The following NBAS variants were observed in gnomAD, a reference collection of about 807,000 sequenced individuals.
NBAS encodes NAG/BC035112 fusion.
Under a neutral mutation model 302.5 loss-of-function variants are expected in NBAS, and 219 were observed. The observed-to-expected ratio is 0.72, with a 90% CI of 0.65 to 0.81. The LOEUF (loss-of-function observed/expected upper bound fraction) is 0.81, where lower values mean the gene tolerates loss of function less well. Ranked by LOEUF, NBAS falls within the 30% of genes least tolerant of loss-of-function variation. NBAS has a pLI of 0.00. For missense variants in NBAS, 2,932 were observed against 2,841.6 expected, an observed-to-expected ratio of 1.03 and a Z score of -0.72; for synonymous variants, 1,118 against 1,021.6, an observed-to-expected ratio of 1.09 and a Z score of -1.80.
chr2:15,364,885 A>G (rs1674122386), intron 32 of NBAS, among the ~76,000 whole-genome samples: 1 of 152,162 alleles, frequency 6.6e-6, no homozygotes, highest in South Asian at 2.1e-4. Flanking sequence ...AGAGAAAAAT[A>G]AATGGTTGTT....
At chr2:14,916,727 A>T in the NBAS span, among the ~76,000 whole-genome samples, 2 of 152,008 alleles carry the variant, frequency 1.3e-5, no homozygotes, top group Admixed American at 6.5e-5. Flanking sequence ...TAATTTATTG[A>T]CTCTTCCCTG....
At chr2:15,476,836 A>G (rs1389928438) in intron 13 of NBAS, among the ~76,000 whole-genome samples, 2 of 152,264 alleles carry the variant, frequency 1.3e-5, no homozygotes, top group Non-Finnish European at 2.9e-5. Context: ...TATACAAAAC[A>G]TATGATGTGG....
chr2:15,078,752 T>G, the NBAS span, among the ~76,000 whole-genome samples: 1 of 152,280 alleles, frequency 6.6e-6, no homozygotes, highest in South Asian at 2.1e-4. Context: ...GAAGAAAATA[T>G]AAAAACAGAC....
the NBAS span, among the ~76,000 whole-genome samples, chr2:14,829,850 T>C: frequency 6.6e-6 from 1 of 152,224 alleles, no homozygotes; most frequent in African/African-American, 2.4e-5. Context: ...ACTTAAGTCT[T>C]GTGGTTTCCG....
intron 38 of NBAS, among the ~76,000 whole-genome samples, chr2:15,320,408 C>T (rs1671742715): frequency 2.6e-5 from 4 of 152,058 alleles, no homozygotes; most frequent in Admixed American, 2.6e-4. Context: ...GGCAATCAGG[C>T]AGGAGAAGGA....
the NBAS span, among the ~76,000 whole-genome samples, chr2:14,950,068 G>C: frequency 6.6e-6 from 1 of 152,150 alleles, no homozygotes; most frequent in Non-Finnish European, 1.5e-5. Flanking sequence ...AGTTACATGA[G>C]TAAGTTCTTT....
At chr2:14,799,294 T>C in the NBAS span, among the ~76,000 whole-genome samples, 1 of 152,076 alleles carries the variant, frequency 6.6e-6, no homozygotes, top group African/African-American at 2.4e-5. Context: ...TGTTTTCCCT[T>C]TTGATTTCTT....
chr2:15,015,149 CAA>C, the NBAS span, among the ~76,000 whole-genome samples: 7 of 127,210 alleles, frequency 5.5e-5, no homozygotes, highest in Admixed American at 7.9e-5. Context: ...AGAAGTTTCC[CAA>C]AAAAAAAAAA....
At chr2:15,006,682 T>C in the NBAS span, among the ~76,000 whole-genome samples, 1 of 152,220 alleles carries the variant, frequency 6.6e-6, no homozygotes, top group Non-Finnish European at 1.5e-5. Flanking sequence ...TAACTATTCG[T>C]TTACAATTAA....
the NBAS span, among the ~76,000 whole-genome samples, chr2:14,895,017 C>G: frequency 2.2e-3 from 329 of 152,306 alleles, no homozygotes; most frequent in African/African-American, 7.7e-3. Flanking sequence ...GATCACGTCA[C>G]TGCACTCCAG....
chr2:15,261,234 T>A (rs1363409857), intron 44 of NBAS, among the ~76,000 whole-genome samples: 3 of 152,236 alleles, frequency 2.0e-5, no homozygotes, highest in Admixed American at 2.0e-4. Context: ...GTGTACACTC[T>A]CCTCACCAGG....
At chr2:14,902,661 T>A in the NBAS span, among the ~76,000 whole-genome samples, 1 of 152,114 alleles carries the variant, frequency 6.6e-6, no homozygotes, top group East Asian at 1.9e-4. Context: ...TATTCCCTGA[T>A]CAAAATTATA....
the NBAS span, among the ~76,000 whole-genome samples, chr2:14,957,927 T>A: frequency 6.6e-6 from 1 of 152,186 alleles, no homozygotes; most frequent in Admixed American, 6.5e-5. Context: ...ACTCATCTAG[T>A]AAATGGCAGA....
chr2:15,539,187 A>T, intron 7 of NBAS, 36 bp downstream of exon 7: 1 of 1,613,838 alleles, frequency 6.2e-7, no homozygotes, highest in Non-Finnish European at 8.5e-7. Flanking sequence ...CATGACATTG[A>T]AAAAACTATG....
intron 19 of NBAS, among the ~76,000 whole-genome samples, chr2:15,462,454 C>A (rs143559049): frequency 5.3e-5 from 8 of 150,394 alleles, no homozygotes; most frequent in Admixed American, 5.3e-4. Context: ...CCTACTACAA[C>A]GTATGACTTA....
the NBAS span, among the ~76,000 whole-genome samples, chr2:15,067,281 G>A: frequency 1.3e-5 from 2 of 150,506 alleles, no homozygotes; most frequent in Admixed American, 6.6e-5. Context: ...GGAGGTCAAC[G>A]CTGCAGCAAA....
At chr2:15,074,521 C>T in the NBAS span, among the ~76,000 whole-genome samples, 1 of 151,442 alleles carries the variant, frequency 6.6e-6, no homozygotes, top group East Asian at 1.9e-4. Flanking sequence ...CTTATATAGA[C>T]AAGAAGTCAC....
the NBAS span, among the ~76,000 whole-genome samples, chr2:15,074,956 T>C: frequency 1.3e-5 from 2 of 152,156 alleles, no homozygotes; most frequent in African/African-American, 4.8e-5. Context: ...ATACCCAGTG[T>C]TGGTTGAGGG....
the NBAS span, among the ~76,000 whole-genome samples, chr2:14,791,331 T>G: frequency 6.6e-6 from 1 of 152,186 alleles, no homozygotes; most frequent in Non-Finnish European, 1.5e-5. Flanking sequence ...AATTTATCCC[T>G]AGTATACAGT....
Sources: gnomAD v4.1 joint callset for allele counts (sites outside exome capture counted in the v4.1 genomes callset) on GRCh38, gnomAD v4.1.1 for gene constraint, MANE v1.5 for transcripts, NCBI Gene and HGNC (gene_info 2026-07-23, HGNC 2026-07-21) for gene names.